ARHGEF6: variants seen among roughly 807,000 people sequenced by gnomAD.
ARHGEF6 encodes Rac/Cdc42 guanine nucleotide exchange factor 6.
In ARHGEF6, 9 loss-of-function variants were observed where a neutral mutation model predicts 70.3. The ratio of observed to expected loss-of-function variants is 0.13; its 90% CI spans 0.08 to 0.22. The LOEUF is 0.22. ARHGEF6 is among the 10% of genes least tolerant of loss of function. The pLI, the probability that ARHGEF6 is intolerant of heterozygous loss-of-function variation, is 1.00. For synonymous variants in ARHGEF6, 201 were observed against 207.8 expected (o/e 0.97, Z 0.28); for missense variants, 470 against 563.0 (o/e 0.83, Z 1.67).
At chrX:136,688,749 C>T (rs752764149) in intron 10 of ARHGEF6, among the ~76,000 whole-genome samples, 2 of 112,320 alleles carry the variant, frequency 1.8e-5, no homozygotes, top group Non-Finnish European at 3.8e-5. Context: ...TTTCTTTCAG[C>T]AGTGTGAACA....
chrX:136,769,653 G>T lies in ARHGEF6; in HGVS notation c.249+9761C>A, dbSNP rs145910860. Among the ~76,000 whole-genome samples the T allele has an allele frequency of 4.7e-4, 52 of 111,352 alleles. 1 individual carries two copies. The East Asian group carries it at 0.014, about 30-fold the overall frequency. On this transcript the variant is annotated intron_variant, in intron 2 of 21. Transcript: ENST00000250617. ...ATGCAATCAAAGAGGTACTACCCAG[G>T]CCATTCTTGACTGATCGGAAGAATT...
intron 2 of ARHGEF6, among the ~76,000 whole-genome samples, chrX:136,749,879 A>G (rs1395134415): frequency 8.9e-6 from 1 of 111,951 alleles, no homozygotes; most frequent in Non-Finnish European, 1.9e-5. Context: ...ATCAGATACA[A>G]CCACAAACAC....
intron 5 of ARHGEF6, among the ~76,000 whole-genome samples, chrX:136,739,175 C>A (rs902259485): frequency 3.6e-5 from 4 of 112,329 alleles, no homozygotes; most frequent in African/African-American, 1.3e-4. Context: ...TACTTCCATG[C>A]TTGAACTTAA....
intron 2 of ARHGEF6, among the ~76,000 whole-genome samples, chrX:136,766,745 T>C (rs2077318027): frequency 1.8e-5 from 2 of 112,384 alleles, no homozygotes; most frequent in Admixed American, 9.4e-5. Context: ...CTGCGACAGA[T>C]CTCTGTACTT....
At chrX:136,755,236 C>G (rs889268974) in intron 2 of ARHGEF6, among the ~76,000 whole-genome samples, 34 of 112,155 alleles carry the variant, frequency 3.0e-4, no homozygotes, top group Admixed American at 2.8e-3. Flanking sequence ...GTTCCCAAAT[C>G]AATGTCCAAC....
At chrX:136,685,895 AT>A in intron 11 of ARHGEF6, 72 bp from the exon 12 acceptor site, 7 of 1,113,160 alleles carry the variant, frequency 6.3e-6, no homozygotes, top group Non-Finnish European at 8.6e-6. Context: ...CCAAAGTAAG[AT>A]GTGGCTTCTG....
At chrX:136,741,067 T>G in intron 5 of ARHGEF6, among the ~76,000 whole-genome samples, 1 of 112,144 alleles carries the variant, frequency 8.9e-6, no homozygotes, top group East Asian at 2.8e-4. Flanking sequence ...ATTATAAATC[T>G]GTTAGTAAAC....
chrX:136,767,202 G>A, intron 2 of ARHGEF6: 1 of 755,245 alleles, frequency 1.3e-6, no homozygotes, highest in Non-Finnish European at 1.6e-6. Flanking sequence ...CCGCGCCGCC[G>A]CCGCCTCCTG....
At chrX:136,685,883 G>C in intron 11 of ARHGEF6, 60 bp from the exon 12 acceptor site, 1 of 1,150,002 alleles carries the variant, frequency 8.7e-7, no homozygotes, top group Non-Finnish European at 1.2e-6. Flanking sequence ...ACTAAAATAA[G>C]ACCAAAGTAA....
intron 7 of ARHGEF6, among the ~76,000 whole-genome samples, chrX:136,711,929 G>T (rs1362606595): frequency 2.7e-5 from 3 of 112,462 alleles, no homozygotes; most frequent in Non-Finnish European, 5.6e-5. Flanking sequence ...CACAGGAATA[G>T]AAAATTTTTT....
At chrX:136,710,858 C>T (rs1023643849) in intron 7 of ARHGEF6, among the ~76,000 whole-genome samples, 1 of 111,744 alleles carries the variant, frequency 8.9e-6, no homozygotes, top group Non-Finnish European at 1.9e-5. Context: ...CATGAACACA[C>T]ACTTCTTAAA....
intron 6 of ARHGEF6, among the ~76,000 whole-genome samples, chrX:136,716,724 C>T (rs971884323): frequency 5.4e-5 from 6 of 111,910 alleles, no homozygotes; most frequent in Non-Finnish European, 1.1e-4. Flanking sequence ...AAGTAGACAA[C>T]GTGCAAGAAT....
chrX:136,722,348 G>T (rs986944830), intron 6 of ARHGEF6, among the ~76,000 whole-genome samples: 6 of 112,046 alleles, frequency 5.4e-5, no homozygotes, highest in African/African-American at 1.9e-4. Context: ...AAAAACTTTT[G>T]TGTGTTAAAT....
chrX:136,678,294 C>T (rs1266085363), intron 16 of ARHGEF6, among the ~76,000 whole-genome samples: 2 of 111,901 alleles, frequency 1.8e-5, no homozygotes, highest in Non-Finnish European at 3.8e-5. Context: ...ATTAAGTCAA[C>T]TTTACTCTTC....
intron 20 of ARHGEF6, among the ~76,000 whole-genome samples, chrX:136,670,642 G>A (rs1011997517): frequency 4.5e-5 from 5 of 110,636 alleles, no homozygotes; most frequent in Admixed American, 9.7e-5. Flanking sequence ...TTCAATTCCC[G>A]TCATAAGGTT....
intron 2 of ARHGEF6, among the ~76,000 whole-genome samples, chrX:136,750,086 T>C: frequency 9.0e-6 from 1 of 111,442 alleles, no homozygotes; most frequent in Admixed American, 9.6e-5. Context: ...TTTAGAGATG[T>C]TGATGTGGAG....
At chrX:136,745,736 T>A (rs1422864648) in intron 3 of ARHGEF6, among the ~76,000 whole-genome samples, 3 of 112,055 alleles carry the variant, frequency 2.7e-5, no homozygotes, top group Non-Finnish European at 5.6e-5. Flanking sequence ...CTTTGTTTTT[T>A]GGCCCATAAC....
At chrX:136,754,467 C>G (rs780219788) in intron 2 of ARHGEF6, among the ~76,000 whole-genome samples, 1 of 107,143 alleles carries the variant, frequency 9.3e-6, no homozygotes, top group East Asian at 2.9e-4. Context: ...CACCTGTAAT[C>G]CCAGCTACTC....
intron 11 of ARHGEF6, 118 bp from the exon 12 acceptor site, chrX:136,685,941 C>G (rs940795679): frequency 1.0e-4 from 76 of 744,020 alleles, no homozygotes; most frequent in Middle Eastern, 3.0e-4. Context: ...TATTCCTCAT[C>G]ATGAATCCCA....
Sources: gnomAD v4.1 joint callset for allele counts (sites outside exome capture counted in the v4.1 genomes callset) on GRCh38, gnomAD v4.1.1 for gene constraint, MANE v1.5 for transcripts, NCBI Gene and HGNC (gene_info 2026-07-23, HGNC 2026-07-21) for gene names.